The following C12orf56 variants were observed in gnomAD, a reference collection of about 807,000 sequenced individuals.
C12orf56 encodes chromosome 12 open reading frame 56.
C12orf56 carries 71 observed loss-of-function variants against 69.9 expected under a neutral mutation model. That is an observed-to-expected ratio of 1.02 (90% CI 0.84 to 1.24). The LOEUF (loss-of-function observed/expected upper bound fraction) is 1.24. C12orf56 is among the 50% of genes most tolerant of loss of function. C12orf56 has a pLI of 0.00. For synonymous variants in C12orf56, 276 were observed against 274.1 expected (o/e 1.01, Z -0.07); for missense variants, 732 against 738.5 (o/e 0.99, Z 0.10).
chr12:64,288,531 G>T, intron 6 of C12orf56, among the ~76,000 whole-genome samples: 1 of 20,762 alleles, frequency 4.8e-5, no homozygotes, highest in Non-Finnish European at 1.0e-4. Context: ...TTTGTATAAG[G>T]TGTAAGGAAG....
intron 8 of C12orf56, among the ~76,000 whole-genome samples, chr12:64,279,652 A>G (rs2038098352): frequency 1.3e-5 from 2 of 152,358 alleles, no homozygotes; most frequent in South Asian, 2.1e-4. Flanking sequence ...CCTACACTCT[A>G]GTAAAAATAC....
chr12:64,282,925 C>A (rs901256352), intron 8 of C12orf56, among the ~76,000 whole-genome samples: 1 of 151,990 alleles, frequency 6.6e-6, no homozygotes, highest in Admixed American at 6.6e-5. Context: ...AGGCGGATCA[C>A]CTGAGGTCGG....
chr12:64,330,757 G>C (rs1316541063), intron 3 of C12orf56, among the ~76,000 whole-genome samples: 2 of 151,946 alleles, frequency 1.3e-5, no homozygotes. Flanking sequence ...GTAATATATA[G>C]AAAATTAGAA....
Position 64,353,579 on chromosome 12 carries a change from CAGA to C in C12orf56, c.253-526_253-524del, listed in dbSNP as rs539480919. Among the ~76,000 whole-genome samples the C allele has an allele frequency of 2.2e-3, 338 of 152,208 alleles. 2 individuals carry two copies. Among genetic ancestry groups the C allele is most frequent in the African/African-American group, 7.9e-3 (329 of 41,540 alleles). On this transcript the variant is annotated intron_variant, in intron 1 of 12. Coordinates refer to ENST00000543942, the MANE Select transcript of C12orf56 (RefSeq NM_001170633.2). ...TCCTTACCAAAAATGTGCTCGACAA[CAGA>C]ACCCAAGAAACTATTTACACTATAG...
intron 5 of C12orf56, among the ~76,000 whole-genome samples, chr12:64,310,720 T>A (rs540870225): frequency 4.9e-4 from 60 of 123,434 alleles, no homozygotes; most frequent in Admixed American, 1.6e-3. Context: ...TTCTTCTTTC[T>A]TTATTTTTTT....
intron 3 of C12orf56, among the ~76,000 whole-genome samples, chr12:64,319,442 T>C (rs2136839940): frequency 6.6e-6 from 1 of 152,262 alleles, no homozygotes; most frequent in African/African-American, 2.4e-5. Context: ...GTCACCCAGG[T>C]TGGAGTACAG....
In C12orf56 at chr12:64,356,170, C is replaced by CAAAA. The variant is rs761289428; in HGVS notation, c.253-3118_253-3115dup. Among the ~76,000 whole-genome samples the CAAAA allele has an allele frequency of 1.2e-3, 56 of 48,396 alleles. 2 individuals carry two copies. The highest frequency in any genetic ancestry group is 2.2e-3 in the South Asian group (3 of 1,334). 31.7% of individuals were successfully genotyped at this position (48,396 alleles called of 152,430 possible). A position where few individuals can be genotyped will look rare whatever the true frequency, so the allele number is the denominator to read the frequency against. ...GTTGCCCAGGAGCAAGACTCCATCT[C>CAAAA]AAAAAAAAAAAAAAAAAAAAAAAAA... On this transcript the variant is annotated intron_variant, in intron 1 of 12. Transcript: ENST00000543942.
At chr12:64,343,386 G>C (rs533803296) in intron 2 of C12orf56, among the ~76,000 whole-genome samples, 4 of 152,172 alleles carry the variant, frequency 2.6e-5, no homozygotes, top group African/African-American at 7.2e-5. Context: ...AGCGATCAAG[G>C]TCTCTCTGAA....
At chr12:64,348,517 A>G (rs1021823660) in intron 2 of C12orf56, among the ~76,000 whole-genome samples, 28 of 152,190 alleles carry the variant, frequency 1.8e-4, no homozygotes, top group African/African-American at 6.8e-4. Context: ...TAACATATTT[A>G]ACAGTCTTCC....
chr12:64,390,199 G>A (rs1022435521), intron 1 of C12orf56, 115 bp downstream of exon 1: 2 of 1,310,114 alleles, frequency 1.5e-6, no homozygotes, highest in African/African-American at 1.5e-5. Context: ...ATAAGAGGAG[G>A]GGAGTCGAGG....
At chr12:64,274,868 G>A in intron 11 of C12orf56, 33 bp downstream of exon 11, 1 of 1,509,990 alleles carries the variant, frequency 6.6e-7, no homozygotes, top group South Asian at 1.1e-5. Flanking sequence ...ATTAGGCTTG[G>A]GGGTGATTTC....
chr12:64,293,053 G>T (rs1259334292), intron 6 of C12orf56, among the ~76,000 whole-genome samples: 1 of 152,108 alleles, frequency 6.6e-6, no homozygotes. Flanking sequence ...ATAATCTCAT[G>T]GTTCGCCGCT....
chr12:64,283,908 A>ATTTTT (rs35345999), intron 8 of C12orf56, among the ~76,000 whole-genome samples: 1 of 133,144 alleles, frequency 7.5e-6, no homozygotes. Context: ...TAGAGTATCT[A>ATTTTT]TTTTTTTTTT....
At chr12:64,294,200 G>C (rs1485642567) in intron 6 of C12orf56, among the ~76,000 whole-genome samples, 1 of 151,992 alleles carries the variant, frequency 6.6e-6, no homozygotes, top group African/African-American at 2.4e-5. Flanking sequence ...TGTTGGCAAG[G>C]ACATAGAGGA....
chr12:64,354,705 G>A, intron 1 of C12orf56, among the ~76,000 whole-genome samples: 1 of 150,172 alleles, frequency 6.7e-6, no homozygotes, highest in East Asian at 2.0e-4. Context: ...GACCTCAGGT[G>A]ATCCATCCGC....
chr12:64,342,242 T>C (rs766908181), intron 2 of C12orf56, among the ~76,000 whole-genome samples: 1 of 152,228 alleles, frequency 6.6e-6, no homozygotes. Flanking sequence ...CATGAATCAG[T>C]ATGCAATCGT....
rs534928184 is a variant in C12orf56, at chr12:64,372,349, G to A, written c.252+17965C>T. ...GTTTAATCATATAAACTGATTTGTA[G>A]TTTAGCAAAACAATTCATTTTTTGA... On this transcript the variant is annotated intron_variant, in intron 1 of 12. Coordinates refer to ENST00000543942, the MANE Select transcript of C12orf56 (RefSeq NM_001170633.2). 3.9e-5 allele frequency among the ~76,000 whole-genome samples: 6 copies of A among 152,186 alleles called. No individual in the cohort carries two copies. In the South Asian group the frequency reaches 1.2e-3, roughly 32 times the overall value.
chr12:64,334,663 G>A (rs2038970398), intron 2 of C12orf56, among the ~76,000 whole-genome samples: 1 of 152,086 alleles, frequency 6.6e-6, no homozygotes, highest in African/African-American at 2.4e-5. Context: ...CTGAATCTAT[G>A]AATGTGGAGC....
At chr12:64,301,152 A>G (rs573255893) in intron 6 of C12orf56, among the ~76,000 whole-genome samples, 2 of 152,322 alleles carry the variant, frequency 1.3e-5, no homozygotes, top group East Asian at 1.9e-4. Context: ...CCAGGTCTTC[A>G]TAACAGCTGA....
Sources: gnomAD v4.1 joint callset for allele counts (sites outside exome capture counted in the v4.1 genomes callset) on GRCh38, gnomAD v4.1.1 for gene constraint, MANE v1.5 for transcripts, NCBI Gene and HGNC (gene_info 2026-07-23, HGNC 2026-07-21) for gene names.